PRKAR1B: variants seen among roughly 807,000 people sequenced by gnomAD.
PRKAR1B encodes the protein protein kinase cAMP-dependent type I regulatory subunit beta, also known as cAMP-dependent protein kinase type I-beta regulatory subunit.
In PRKAR1B, 22 loss-of-function variants were observed where a neutral mutation model predicts 46.5. The ratio of observed to expected loss-of-function variants is 0.47; its 90% CI spans 0.34 to 0.68. The LOEUF is 0.68. Ranked by LOEUF, PRKAR1B falls within the 30% of genes least tolerant of loss-of-function variation. The pLI, the probability that PRKAR1B is intolerant of heterozygous loss-of-function variation, is 0.01. For missense variants in PRKAR1B, 445 were observed against 535.6 expected (o/e 0.83, Z 1.67); for synonymous variants, 259 against 217.7 (o/e 1.19, Z -1.67).
intron 2 of PRKAR1B, among the ~76,000 whole-genome samples, chr7:685,239 C>T (rs1353453844): frequency 9.0e-6 from 1 of 111,422 alleles, no homozygotes; most frequent in Non-Finnish European, 2.0e-5. Context: ...TATACACACA[C>T]ATATAACACG....
At chr7:612,390 A>ATT in intron 4 of PRKAR1B, among the ~76,000 whole-genome samples, 1 of 149,576 alleles carries the variant, frequency 6.7e-6, no homozygotes, top group Non-Finnish European at 1.5e-5. Flanking sequence ...GGGTGGGTGG[A>ATT]TGGATAGATG....
chr7:563,147 C>A (rs1372593395), intron 9 of PRKAR1B, among the ~76,000 whole-genome samples: 1 of 152,222 alleles, frequency 6.6e-6, no homozygotes. Flanking sequence ...CCCAGCCCTC[C>A]AGGCAGCCAC....
At chr7:610,558 A>G (rs1369513670) in intron 4 of PRKAR1B, among the ~76,000 whole-genome samples, 4 of 152,096 alleles carry the variant, frequency 2.6e-5, no homozygotes, top group African/African-American at 9.7e-5. Context: ...CTTCAGAGGA[A>G]ATGTTAATGC....
intron 4 of PRKAR1B, chr7:608,045 G>A (rs1007209453): frequency 1.3e-5 from 2 of 154,144 alleles, no homozygotes; most frequent in Admixed American, 6.5e-5. Context: ...ATCTGGATGT[G>A]AAATGGACCA....
chr7:636,574 G>C (rs1784119905), intron 4 of PRKAR1B, among the ~76,000 whole-genome samples: 1 of 152,180 alleles, frequency 6.6e-6, no homozygotes, highest in Non-Finnish European at 1.5e-5. Flanking sequence ...CACCCAGAAT[G>C]GTCCTTTCTG....
intron 4 of PRKAR1B, among the ~76,000 whole-genome samples, chr7:665,678 T>C (rs1344370972): frequency 3.9e-5 from 6 of 152,190 alleles, no homozygotes; most frequent in African/African-American, 1.4e-4. Context: ...GCTAATTTTG[T>C]TTTTTTAATG....
intron 9 of PRKAR1B, chr7:561,956 T>A (rs1451728992): frequency 6.6e-6 from 1 of 152,294 alleles, no homozygotes; most frequent in Non-Finnish European, 1.5e-5. Flanking sequence ...CTCGGTTGTC[T>A]CTGCAGCCAG....
intron 4 of PRKAR1B, among the ~76,000 whole-genome samples, chr7:619,723 T>C (rs1212003630): frequency 1.3e-5 from 2 of 152,276 alleles, no homozygotes; most frequent in Admixed American, 1.3e-4. Flanking sequence ...GATCAAGGCC[T>C]CCTGCTGAGC....
At chr7:576,047 G>A (rs934025480) in intron 9 of PRKAR1B, among the ~76,000 whole-genome samples, 2 of 150,230 alleles carry the variant, frequency 1.3e-5, no homozygotes, top group African/African-American at 2.5e-5. Flanking sequence ...CTCTGCACAC[G>A]GGCAAATGTG....
chr7:586,771 C>A (rs569611043), intron 7 of PRKAR1B, among the ~76,000 whole-genome samples: 5 of 152,210 alleles, frequency 3.3e-5, no homozygotes, highest in Non-Finnish European at 7.3e-5. Flanking sequence ...AGATAGAAAA[C>A]TATAAACTCT....
chr7:694,698 G>A (rs573142877), intron 2 of PRKAR1B, among the ~76,000 whole-genome samples: 26 of 152,162 alleles, frequency 1.7e-4, no homozygotes, highest in African/African-American at 4.1e-4. Flanking sequence ...GCACGAGTTC[G>A]TTACTGCCCC....
At chr7:677,560 G>A (rs944912649) in intron 3 of PRKAR1B, among the ~76,000 whole-genome samples, 1 of 152,096 alleles carries the variant, frequency 6.6e-6, no homozygotes, top group Admixed American at 6.5e-5. Context: ...CCAAGTAGCT[G>A]GGACCACAGG....
intron 1 of PRKAR1B, among the ~76,000 whole-genome samples, chr7:724,397 C>T (rs1332785488): frequency 2.0e-5 from 3 of 152,152 alleles, no homozygotes; most frequent in African/African-American, 7.2e-5. Flanking sequence ...CGAGATCTGA[C>T]GGTTTTATAA....
At chr7:619,716 C>A (rs957184526) in intron 4 of PRKAR1B, among the ~76,000 whole-genome samples, 3 of 152,272 alleles carry the variant, frequency 2.0e-5, no homozygotes, top group African/African-American at 7.2e-5. Context: ...CATTTATGAT[C>A]AAGGCCTCCT....
rs749940735 is a variant in PRKAR1B, at chr7:711,315, CG to C, written c.177+13del. Reference sequence around the variant, plus strand: ...ACGTGCGAAGGGAAGCAGCGGGCGGCGGGGGCCACTCACCTTCTCCAGCTTC... The same window carrying C: ...ACGTGCGAAGGGAAGCAGCGGGCGGCGGGGCCACTCACCTTCTCCAGCTTC... On this transcript the variant is annotated intron_variant, in intron 2 of 10. Coordinates refer to ENST00000537384, the MANE Select transcript of PRKAR1B (RefSeq NM_001164760.2). 2 of 1,613,500 alleles carry C rather than the reference CG, an allele frequency of 1.2e-6. No individual in the cohort carries two copies. Among genetic ancestry groups the C allele is most frequent in the South Asian group, 1.1e-5 (1 of 91,026 alleles).
chr7:687,319 G>T (rs1779146042), intron 2 of PRKAR1B, among the ~76,000 whole-genome samples: 1 of 152,120 alleles, frequency 6.6e-6, no homozygotes, highest in Non-Finnish European at 1.5e-5. Context: ...ATTATGCTCA[G>T]TATGTTCAAG....
At chr7:612,160 ATGGATGGACAGGTGGG>A (rs897075992) in intron 4 of PRKAR1B, among the ~76,000 whole-genome samples, 1 of 145,580 alleles carries the variant, frequency 6.9e-6, no homozygotes, top group African/African-American at 2.6e-5. Context: ...TGGATGATGG[ATGGATGGACAGGTGGG>A]TGGATGTACA....
chr7:582,272 C>T (rs779094619), intron 8 of PRKAR1B, among the ~76,000 whole-genome samples: 3 of 152,246 alleles, frequency 2.0e-5, no homozygotes, highest in East Asian at 1.9e-4. Context: ...GAGCCCTGCG[C>T]GTTCAGGAGA....
upstream of PRKAR1B, among the ~76,000 whole-genome samples, chr7:727,925 T>G (rs2128067575): frequency 6.6e-6 from 1 of 151,558 alleles, no homozygotes; most frequent in East Asian, 2.0e-4. Context: ...TGTGCCCTGA[T>G]AGCTGCCCCC....
Sources: allele counts gnomAD v4.1 joint callset (sites outside exome capture counted in the v4.1 genomes callset), GRCh38; gene constraint gnomAD v4.1.1; transcripts MANE v1.5; gene names NCBI Gene and HGNC (gene_info 2026-07-23, HGNC 2026-07-21).